Variants in COL10A1 observed in about 807,000 individuals in gnomAD.
COL10A1 encodes collagen alpha-1(X) chain.
Under a neutral mutation model 18.2 loss-of-function variants are expected in COL10A1, and 10 were observed. The ratio of observed to expected loss-of-function variants is 0.55; its 90% CI spans 0.34 to 0.93. The LOEUF is 0.93. Ranked by LOEUF, COL10A1 falls within the 40% of genes least tolerant of loss-of-function variation. The probability of loss-of-function intolerance (pLI) is 0.02; values close to 1 mark genes in which losing one functional copy is unlikely to be tolerated. For missense variants in COL10A1, 897 were observed against 853.5 expected (o/e 1.05, Z -0.64); for synonymous variants, 330 against 316.6 (o/e 1.04, Z -0.45).
chr6:116,180,216 G>A, the COL10A1 span, among the ~76,000 whole-genome samples: 1 of 151,980 alleles, frequency 6.6e-6, no homozygotes, highest in Non-Finnish European at 1.5e-5. Context: ...TCTTAAAAGT[G>A]TGTTGTGTCT....
intron 1 of COL10A1, among the ~76,000 whole-genome samples, chr6:116,157,732 A>G (rs1780231848): frequency 6.6e-6 from 1 of 152,192 alleles, no homozygotes; most frequent in African/African-American, 2.4e-5. Context: ...TGAAATGGTG[A>G]GAGTGGGTGG....
In COL10A1 at chr6:116,121,106, G is replaced by C; in HGVS notation, c.1010C>G (p.Thr337Ser). ...GGGTCCCATATTCCCAGGGGGTCCA[G>C]TCAGACCTGGCTTCCCAGGAAGACC... The part of the protein sequence containing the change: ...PAGLPGKPGL[T>S]GPPGNMGPQG... The change falls in exon 3 of 3, where the codon ACT becomes AGT. Residue 337 changes from threonine (T) to serine (S), a missense_variant. By Grantham distance (58) the Thr-to-Ser change is moderately conservative (BLOSUM62 1). Coordinates refer to ENST00000651968, the MANE Select transcript of COL10A1 (RefSeq NM_000493.4). 6.2e-7 allele frequency: 1 copy of C among 1,613,858 alleles called. No individual in the cohort carries two copies. Among genetic ancestry groups the C allele is most frequent in the Non-Finnish European group, 8.5e-7 (1 of 1,179,872 alleles).
At chr6:116,176,843 T>C in the COL10A1 span, among the ~76,000 whole-genome samples, 1 of 152,162 alleles carries the variant, frequency 6.6e-6, no homozygotes. Flanking sequence ...TATTTTCCTC[T>C]TGCCTGGCTG....
At chr6:116,143,434 G>C (rs1779816188) in intron 1 of COL10A1, among the ~76,000 whole-genome samples, 1 of 152,096 alleles carries the variant, frequency 6.6e-6, no homozygotes, top group Admixed American at 6.6e-5. Context: ...GGATGGTCTT[G>C]ATCTCTTAAC....
At chr6:116,171,743 T>C in the COL10A1 span, among the ~76,000 whole-genome samples, 2 of 152,338 alleles carry the variant, frequency 1.3e-5, no homozygotes, top group East Asian at 1.9e-4. Flanking sequence ...TTTTCTCCCA[T>C]GGTAAGAACA....
the COL10A1 span, among the ~76,000 whole-genome samples, chr6:116,210,233 A>G: frequency 2.0e-5 from 3 of 152,018 alleles, no homozygotes; most frequent in South Asian, 6.2e-4. Flanking sequence ...ACATTGCAAG[A>G]TTTTAAATAA....
chr6:116,124,917 T>C (rs1779247502), intron 2 of COL10A1, among the ~76,000 whole-genome samples: 2 of 152,212 alleles, frequency 1.3e-5, no homozygotes, highest in South Asian at 4.1e-4. Flanking sequence ...GCTAGTTGAA[T>C]TAGTTTTAAA....
At chr6:116,127,918 A>G (rs544848628), upstream of COL10A1, among the ~76,000 whole-genome samples, 1 of 151,962 alleles carries the variant, frequency 6.6e-6, no homozygotes, top group East Asian at 1.9e-4. Context: ...TTTCACTTTA[A>G]CCTCTCTGGG....
At chr6:116,181,797 G>C in the COL10A1 span, among the ~76,000 whole-genome samples, 1 of 152,204 alleles carries the variant, frequency 6.6e-6, no homozygotes, top group Admixed American at 6.6e-5. Flanking sequence ...CCTGGTGGAA[G>C]ACAGTATTTT....
the COL10A1 span, among the ~76,000 whole-genome samples, chr6:116,186,921 C>T: frequency 6.6e-6 from 1 of 151,976 alleles, no homozygotes; most frequent in South Asian, 2.1e-4. Flanking sequence ...CTAGTGTTAT[C>T]TTTTGGGGGT....
At chr6:116,202,930 A>G in the COL10A1 span, among the ~76,000 whole-genome samples, 10 of 151,980 alleles carry the variant, frequency 6.6e-5, no homozygotes, top group African/African-American at 2.4e-4. Flanking sequence ...GTAATGTAGT[A>G]ATGCAAAAAG....
intron 1 of COL10A1, among the ~76,000 whole-genome samples, chr6:116,157,669 G>C (rs1780230126): frequency 1.3e-5 from 2 of 152,054 alleles, no homozygotes; most frequent in South Asian, 4.2e-4. Flanking sequence ...CCCCAAATTT[G>C]GGCTCATTTT....
chr6:116,121,036 A>G lies in COL10A1; in HGVS notation c.1080T>C (p.Pro360=), dbSNP rs746574566. The change falls in exon 3 of 3, where the codon CCT becomes CCC. Residue 360 remains proline (P), a synonymous_variant. Transcript: ENST00000651968. ...GIPGSHGLPG[P]KGETGPAGPA... ...GCCCAGCTGGCCCTGTCTCACCTTT[A>G]GGGCCTGGGAGACCATGGCTACCCG... The G allele has an allele frequency of 3.1e-6, 5 of 1,613,816 alleles. No individual in the cohort carries two copies. The South Asian group carries it at 4.4e-5, about 14-fold the overall frequency.
chr6:116,184,187 T>C, the COL10A1 span, among the ~76,000 whole-genome samples: 1 of 152,142 alleles, frequency 6.6e-6, no homozygotes, highest in Non-Finnish European at 1.5e-5. Flanking sequence ...ATTCGGTTTA[T>C]GTGGTGTATC....
chr6:116,178,100 C>CGTGT, the COL10A1 span, among the ~76,000 whole-genome samples: 41 of 102,960 alleles, frequency 4.0e-4, no homozygotes, highest in South Asian at 7.9e-3. Context: ...CGCGCGCGCG[C>CGTGT]GCGTGCGTGC....
At chr6:116,130,650 A>C (rs1301844174), upstream of COL10A1, among the ~76,000 whole-genome samples, 1 of 152,110 alleles carries the variant, frequency 6.6e-6, no homozygotes, top group Non-Finnish European at 1.5e-5. Context: ...AAACGTATGC[A>C]CAGGGTGTTC....
intron 1 of COL10A1, chr6:116,145,438 TA>T: frequency 2.6e-6 from 1 of 379,554 alleles, no homozygotes; most frequent in South Asian, 2.1e-5. Flanking sequence ...TATCTCTTAG[TA>T]AGAAGATTGG....
upstream of COL10A1, among the ~76,000 whole-genome samples, chr6:116,162,326 G>A (rs1444612759): frequency 6.6e-6 from 1 of 152,148 alleles, no homozygotes; most frequent in East Asian, 1.9e-4. Flanking sequence ...GAATAGGAGT[G>A]GTGAAAGTGC....
the COL10A1 span, among the ~76,000 whole-genome samples, chr6:116,207,476 A>G: frequency 1.6e-4 from 25 of 151,836 alleles, no homozygotes; most frequent in Admixed American, 1.3e-4. Context: ...ATTTTTTTTC[A>G]TGCTTACCGG....
Sources: allele counts gnomAD v4.1 joint callset (sites outside exome capture counted in the v4.1 genomes callset), GRCh38; gene constraint gnomAD v4.1.1; transcripts MANE v1.5; gene names NCBI Gene and HGNC (gene_info 2026-07-23, HGNC 2026-07-21).